RGS12: variants seen among roughly 807,000 people sequenced by gnomAD.
RGS12 encodes the protein regulator of G protein signaling 12.
RGS12 carries 66 observed loss-of-function variants against 120.1 expected under a neutral mutation model. The ratio of observed to expected loss-of-function variants is 0.55; its 90% CI spans 0.45 to 0.67. The LOEUF (loss-of-function observed/expected upper bound fraction) is 0.67. Among genes scored for constraint, RGS12 ranks in the 30% least tolerant of loss-of-function variants. RGS12 has a pLI of 0.00. For missense variants in RGS12, 1,859 were observed against 1,957.7 expected (o/e 0.95, Z 0.95); for synonymous variants, 827 against 804.7 (o/e 1.03, Z -0.47).
chr4:3,304,104 A>C (rs1466655335), intron 1 of RGS12, among the ~76,000 whole-genome samples: 1 of 152,156 alleles, frequency 6.6e-6, no homozygotes, highest in Non-Finnish European at 1.5e-5. Flanking sequence ...TGAGGCATTT[A>C]ATGTGTGTGT....
At chr4:3,334,751 G>A (rs988033634) in intron 2 of RGS12, among the ~76,000 whole-genome samples, 4 of 151,982 alleles carry the variant, frequency 2.6e-5, no homozygotes, top group South Asian at 2.1e-4. Flanking sequence ...GTCAGCACTC[G>A]TCTTTTTATT....
chr4:3,328,319 T>G (rs1725698729), intron 2 of RGS12, among the ~76,000 whole-genome samples: 1 of 152,248 alleles, frequency 6.6e-6, no homozygotes, highest in South Asian at 2.1e-4. Context: ...GTGCATAGAC[T>G]GCACAGACTT....
chr4:3,336,975 T>G (rs1195596074), intron 2 of RGS12, among the ~76,000 whole-genome samples: 1 of 150,958 alleles, frequency 6.6e-6, no homozygotes, highest in African/African-American at 2.4e-5. Context: ...TGGGCAAAGA[T>G]CCAGTGTGAA....
In RGS12 at chr4:3,425,514, C is replaced by A. The variant is rs375852981; in HGVS notation, c.3285C>A (p.Asp1095Glu). ...LDLGAPISSL[D>E]GQRVVLEEKD... is the part of the protein sequence containing the mutation. Reference sequence around the variant, plus strand: ...TTGGCGCCCCTATATCGAGTCTGGACGGACAGCGGGTTGTCTTGGAGGAGA... The same window carrying A: ...TTGGCGCCCCTATATCGAGTCTGGAAGGACAGCGGGTTGTCTTGGAGGAGA... Residue 1095 changes from aspartate to glutamate, a missense_variant, in exon 14 of 18, where the codon GAC becomes GAA. Coordinates refer to ENST00000336727, the MANE Select transcript of RGS12 (RefSeq NM_001394154.1). 4 of 1,611,418 alleles carry A rather than the reference C, an allele frequency of 2.5e-6. No individual in the cohort carries two copies. Among genetic ancestry groups the A allele is most frequent in the Admixed American group, 3.3e-5 (2 of 59,804 alleles).
Position 3,317,731 on chromosome 4 carries a change from C to G in RGS12, c.1561C>G (p.Pro521Ala), listed in dbSNP as rs561441862. The G allele has an allele frequency of 6.2e-6, 10 of 1,613,458 alleles. No individual in the cohort carries two copies. Among genetic ancestry groups the G allele is most frequent in the East Asian group, 2.2e-5 (1 of 44,898 alleles). The change falls in exon 2 of 18, where the codon CCT becomes GCT. Residue 521 changes from proline (P) to alanine (A), a missense_variant. Physicochemically the swap from Pro to Ala is conservative, Grantham distance 27. Coordinates refer to ENST00000336727, the MANE Select transcript of RGS12 (RefSeq NM_001394154.1). ...AGCTTCCTTGAGGAGCTCAGTCCCC[C>G]CTTCCAAGAGGGGCACCGTGGGTGC... ...PPASLRSSVP[P>A]SKRGTVGAGC...
intron 1 of RGS12, among the ~76,000 whole-genome samples, chr4:3,306,291 G>A (rs1017462076): frequency 6.6e-6 from 1 of 152,330 alleles, no homozygotes; most frequent in East Asian, 1.9e-4. Flanking sequence ...ATTGGGGGCC[G>A]CCTGGCAGTG....
At chr4:3,343,253 A>G (rs1027003563) in intron 3 of RGS12, 200 bp downstream of exon 3, 4 of 527,928 alleles carry the variant, frequency 7.6e-6, no homozygotes, top group Admixed American at 6.3e-5. Context: ...CTGAGCTGTC[A>G]CAGGGCTTTC....
rs531132611 is a variant in RGS12, at chr4:3,302,234, C to T, written c.-102+9135C>T. Among the ~76,000 whole-genome samples, 360 of 152,288 alleles carry T rather than the reference C, an allele frequency of 2.4e-3. 2 individuals carry two copies. The highest frequency in any genetic ancestry group is 4.3e-3 in the Non-Finnish European group (293 of 68,030). ...GGGGTATCCTGGAGGGCTGTGGCCT[C>T]CGTGTGTCCTGTTCACTTTTCCTGA... On this transcript the variant is annotated intron_variant, in intron 1 of 17. Coordinates refer to ENST00000336727, the MANE Select transcript of RGS12 (RefSeq NM_001394154.1).
Position 3,439,376 on chromosome 4 carries a change from G to A in RGS12, c.4115-79G>A. 4 of 1,391,006 alleles carry A rather than the reference G, an allele frequency of 2.9e-6. No homozygotes were observed. The South Asian group carries it at 3.5e-5, about 12-fold the overall frequency. 86.2% of individuals were successfully genotyped at this position (1,391,006 alleles called of 1,614,324 possible). On this transcript the variant is annotated intron_variant, in intron 17 of 17. Transcript: ENST00000336727. ...ACCCCTACCATGCTGTCTGTGCAGGGGCCTTCGGGGTAGGGGGTGGGTTCC... is the reference window on the plus strand; with the variant it reads ...ACCCCTACCATGCTGTCTGTGCAGGAGCCTTCGGGGTAGGGGGTGGGTTCC...
chr4:3,304,446 C>T (rs1005000293), intron 1 of RGS12, among the ~76,000 whole-genome samples: 6 of 152,104 alleles, frequency 3.9e-5, no homozygotes, highest in Admixed American at 1.3e-4. Context: ...TGAGGGAGGC[C>T]GCTTTCTCCC....
intron 2 of RGS12, among the ~76,000 whole-genome samples, chr4:3,336,943 G>C (rs2108754791): frequency 6.7e-6 from 1 of 150,074 alleles, no homozygotes; most frequent in African/African-American, 2.5e-5. Context: ...AGAAAATAAA[G>C]AGAAATTAAA....
At chr4:3,383,599 G>C (rs1718493165) in intron 3 of RGS12, among the ~76,000 whole-genome samples, 1 of 139,550 alleles carries the variant, frequency 7.2e-6, no homozygotes, top group African/African-American at 2.8e-5. Context: ...GAGCGAGACT[G>C]TCAAAAAAAA....
In RGS12 at chr4:3,424,453, A is replaced by T. The variant is rs149576224; in HGVS notation, c.3234+812A>T. 2.2e-4 allele frequency among the ~76,000 whole-genome samples: 33 copies of T among 152,310 alleles called. No individual in the cohort carries two copies. In the East Asian group the frequency reaches 6.2e-3, roughly 29 times the overall value. On this transcript the variant is annotated intron_variant, in intron 13 of 17. Coordinates refer to ENST00000336727, the MANE Select transcript of RGS12 (RefSeq NM_001394154.1). ...TGCAGGCTCCATCCTGGAGTCCAGA[A>T]ATCTGCAGGTGGGAGACAGACCTGG...
intron 2 of RGS12, among the ~76,000 whole-genome samples, chr4:3,339,688 C>G (rs2108763086): frequency 6.6e-6 from 1 of 152,234 alleles, no homozygotes; most frequent in South Asian, 2.1e-4. Flanking sequence ...AGATAATTAT[C>G]CTTGCCACAA....
chr4:3,288,269 A>T (rs1722946107), upstream of RGS12, among the ~76,000 whole-genome samples: 1 of 151,978 alleles, frequency 6.6e-6, no homozygotes, highest in Admixed American at 6.5e-5. The surrounding 1 kb of genome is among the most constrained non-coding windows in gnomAD (Gnocchi z 5.2). Flanking sequence ...AAAGGTTGTG[A>T]CACAGAGCTG....
intron 3 of RGS12, among the ~76,000 whole-genome samples, chr4:3,362,697 G>C (rs1166483820): frequency 4.1e-5 from 6 of 146,482 alleles, no homozygotes; most frequent in Non-Finnish European, 1.5e-5. Context: ...GTGTGTGAGG[G>C]TGTGTGTGAG....
chr4:3,357,580 A>C (rs1338744141), intron 3 of RGS12, among the ~76,000 whole-genome samples: 2 of 151,408 alleles, frequency 1.3e-5, no homozygotes, highest in Non-Finnish European at 2.9e-5. Context: ...ATTCTTTTGC[A>C]TGTGGATATC....
chr4:3,315,541 T>G (rs562023854), intron 1 of RGS12, among the ~76,000 whole-genome samples: 1 of 152,340 alleles, frequency 6.6e-6, no homozygotes, highest in East Asian at 1.9e-4. Flanking sequence ...AGGTGACCCC[T>G]CTCCTGAGGG....
Position 3,374,943 on chromosome 4 carries a change from C to T in RGS12, c.1999-11473C>T, listed in dbSNP as rs990018346. Among the ~76,000 whole-genome samples the T allele has an allele frequency of 5.3e-5, 8 of 152,252 alleles. No individual in the cohort carries two copies. Among genetic ancestry groups the T allele is most frequent in the Admixed American group, 3.3e-4 (5 of 15,292 alleles). On this transcript the variant is annotated intron_variant, in intron 3 of 17. Coordinates refer to ENST00000336727, the MANE Select transcript of RGS12 (RefSeq NM_001394154.1). This position sits in a 1 kb window ranked among gnomAD's most constrained non-coding sequence, Gnocchi z 6.3. ...GTACATCCAGCATCTCAGGATGGCTCGCCACGTCATGGGGGCTCAGCAGAT... is the reference window on the plus strand; with the variant it reads ...GTACATCCAGCATCTCAGGATGGCTTGCCACGTCATGGGGGCTCAGCAGAT...
Sources: gnomAD v4.1 joint callset for allele counts (sites outside exome capture counted in the v4.1 genomes callset) on GRCh38, gnomAD v4.1.1 for gene constraint, Gnocchi (gnomAD v3.1) non-coding constraint, MANE v1.5 for transcripts, NCBI Gene and HGNC (gene_info 2026-07-23, HGNC 2026-07-21) for gene names.